Variants in EBF2 observed in about 807,000 individuals in gnomAD.
The protein encoded by EBF2 is EBF transcription factor 2.
In EBF2, 21 loss-of-function variants were observed where a neutral mutation model predicts 72.8. The ratio of observed to expected loss-of-function variants is 0.29; its 90% CI spans 0.20 to 0.42. EBF2 has a LOEUF of 0.42. EBF2 is among the 10% of genes least tolerant of loss of function. EBF2 has a pLI of 1.00. For synonymous variants in EBF2, 299 were observed against 274.2 expected (o/e 1.09, Z -0.89); for missense variants, 637 against 731.2 (o/e 0.87, Z 1.49).
At chr8:26,029,020 T>A (rs1323553363) in intron 6 of EBF2, among the ~76,000 whole-genome samples, 1 of 152,218 alleles carries the variant, frequency 6.6e-6, no homozygotes, top group Non-Finnish European at 1.5e-5. Flanking sequence ...AATAAATTTA[T>A]GTTTCTAGAG....
rs923040342 is a variant in EBF2 at position 25,882,469 on chromosome 8, C to T, written c.1009+4286G>A. ...AGGCAGGTGGTGAAGTTTTCAGGAA[C>T]GTTGTGAGCTACTTGAGTGGTAGCT... On this transcript the variant is annotated intron_variant, in intron 10 of 15. Coordinates refer to ENST00000520164, the MANE Select transcript of EBF2 (RefSeq NM_022659.4). Among the ~76,000 whole-genome samples the T allele has an allele frequency of 3.9e-5, 6 of 152,110 alleles. No individual in the cohort carries two copies. The East Asian group carries it at 1.2e-3, about 29-fold the overall frequency.
intron 6 of EBF2, among the ~76,000 whole-genome samples, chr8:25,921,936 C>T (rs1229478757): frequency 6.6e-6 from 1 of 152,214 alleles, no homozygotes; most frequent in Admixed American, 6.5e-5. Context: ...AATCTTTCTT[C>T]CCATGCCATA....
intron 15 of EBF2, among the ~76,000 whole-genome samples, chr8:25,849,898 GCCAAGAGGACATGA>G (rs780610596): frequency 0.013 from 1,923 of 152,242 alleles, 102 homozygotes; most frequent in Admixed American, 0.088. Flanking sequence ...GTCCATGTAT[GCCAAGAGGACATGA>G]TGGCAAGCGG....
intron 6 of EBF2, among the ~76,000 whole-genome samples, chr8:26,013,396 A>G (rs1409186048): frequency 6.6e-6 from 1 of 152,126 alleles, no homozygotes; most frequent in Non-Finnish European, 1.5e-5. Flanking sequence ...CATCCCTTTA[A>G]CTAATACTTG....
chr8:25,985,775 C>T (rs1033242101), intron 6 of EBF2, among the ~76,000 whole-genome samples: 14 of 151,794 alleles, frequency 9.2e-5, no homozygotes, highest in African/African-American at 3.4e-4. Flanking sequence ...TGAGGCAGGC[C>T]GACCGCTTGA....
chr8:25,918,953 G>T (rs1803267255), intron 6 of EBF2, among the ~76,000 whole-genome samples: 1 of 152,152 alleles, frequency 6.6e-6, no homozygotes. Context: ...CTCTGTGCAT[G>T]CTGGGTGCTT....
intron 6 of EBF2, among the ~76,000 whole-genome samples, chr8:25,936,336 C>G (rs1395041641): frequency 6.6e-6 from 1 of 152,166 alleles, no homozygotes; most frequent in African/African-American, 2.4e-5. Flanking sequence ...TGCTCCAGGA[C>G]GTGGGCTGCA....
At chr8:26,011,253 A>T (rs1000688560) in intron 6 of EBF2, among the ~76,000 whole-genome samples, 1 of 152,322 alleles carries the variant, frequency 6.6e-6, no homozygotes, top group African/African-American at 2.4e-5. Flanking sequence ...TCACTCATAC[A>T]TGATACGATT....
At chr8:26,040,520 G>A (rs1195814648) in intron 4 of EBF2, 96 bp downstream of exon 4, 3 of 1,189,912 alleles carry the variant, frequency 2.5e-6, no homozygotes, top group Non-Finnish European at 3.6e-6. Flanking sequence ...TCTGACCCAG[G>A]AAATCGTGGA....
chr8:25,935,380 A>G (rs1337720140), intron 6 of EBF2, among the ~76,000 whole-genome samples: 1 of 152,178 alleles, frequency 6.6e-6, no homozygotes, highest in Non-Finnish European at 1.5e-5. Context: ...TTCCCTGTTT[A>G]CACTGGGAAT....
chr8:25,891,094 G>T (rs1462625812), intron 7 of EBF2, among the ~76,000 whole-genome samples: 3 of 152,188 alleles, frequency 2.0e-5, no homozygotes, highest in Non-Finnish European at 4.4e-5. Context: ...TATAAGGCAT[G>T]GTCCCTAACC....
At position 26,044,792 on chromosome 8, in the gene EBF2, A is replaced by G; in HGVS notation, c.68T>C (p.Met23Thr). The change falls in exon 1 of 16, where the codon ATG becomes ACG. Residue 23 changes from methionine to threonine, a missense_variant. Physicochemically the swap from Met to Thr is moderately conservative, Grantham distance 81 (BLOSUM62 -1). This residue lies in a region of EBF2 where 174 missense variants were observed against 161.9 expected (regional missense o/e 1.07). Coordinates refer to ENST00000520164, the MANE Select transcript of EBF2 (RefSeq NM_022659.4). The surrounding 1 kb of genome is among the most constrained non-coding windows in gnomAD (Gnocchi z 4.1). ...CCGGACCCAGGACCTGACCGAATCC[A>G]TCTCCGCGCCCAGCGATTTCTCTTT... Reference protein sequence around the residue: ...TLKEKSLGAEMDSVRSWVRNV... With the variant: ...TLKEKSLGAETDSVRSWVRNV... The G allele has an allele frequency of 1.2e-6, 2 of 1,614,088 alleles. No homozygotes were observed. Among genetic ancestry groups the G allele is most frequent in the Non-Finnish European group, 1.7e-6 (2 of 1,180,002 alleles).
chr8:25,933,439 C>T (rs1416381768), intron 6 of EBF2, among the ~76,000 whole-genome samples: 1 of 152,190 alleles, frequency 6.6e-6, no homozygotes, highest in Non-Finnish European at 1.5e-5. Context: ...CAGGAATATG[C>T]CCTAAAGACT....
At chr8:25,903,303 G>A (rs1802984797) in intron 7 of EBF2, among the ~76,000 whole-genome samples, 1 of 151,584 alleles carries the variant, frequency 6.6e-6, no homozygotes. Flanking sequence ...CTAAGAGCTG[G>A]GATTACAGGC....
At chr8:25,978,942 A>G (rs963206939) in intron 6 of EBF2, among the ~76,000 whole-genome samples, 3 of 152,178 alleles carry the variant, frequency 2.0e-5, no homozygotes, top group African/African-American at 7.2e-5. Flanking sequence ...TTCACTCTGC[A>G]GCTTGCAGTG....
At chr8:25,939,477 G>A (rs558996952) in intron 6 of EBF2, among the ~76,000 whole-genome samples, 200 of 152,206 alleles carry the variant, frequency 1.3e-3, no homozygotes, top group Non-Finnish European at 1.8e-3. Flanking sequence ...GTCAGTCTGG[G>A]TCAGCCCAAA....
chr8:25,900,122 C>T (rs1233130124), intron 7 of EBF2, among the ~76,000 whole-genome samples: 2 of 152,162 alleles, frequency 1.3e-5, no homozygotes, highest in East Asian at 3.9e-4. Context: ...CTGAAGGCTT[C>T]CCCAGCCTGA....
At chr8:25,927,475 G>C (rs1197298603) in intron 6 of EBF2, among the ~76,000 whole-genome samples, 1 of 151,848 alleles carries the variant, frequency 6.6e-6, no homozygotes, top group Non-Finnish European at 1.5e-5. Flanking sequence ...AACCCTGGCT[G>C]ATTCAAGGAC....
At chr8:25,918,687 C>T (rs17809539) in intron 6 of EBF2, among the ~76,000 whole-genome samples, 15,493 of 152,080 alleles carry the variant, frequency 0.1, 1,070 homozygotes, top group South Asian at 0.21. Flanking sequence ...CGCATACAAA[C>T]TCAAACTAGC....
Sources: gnomAD v4.1 joint callset for allele counts (sites outside exome capture counted in the v4.1 genomes callset) on GRCh38, gnomAD v4.1.1 for gene constraint, gnomAD v4.1.1 regional missense constraint, Gnocchi (gnomAD v3.1) non-coding constraint, MANE v1.5 for transcripts, NCBI Gene and HGNC (gene_info 2026-07-23, HGNC 2026-07-21) for gene names.